Variants in DPYSL2 observed in about 807,000 individuals in gnomAD.
DPYSL2 encodes dihydropyrimidinase like 2.
A neutral mutation model predicts 69.9 loss-of-function variants in DPYSL2; 13 were observed. The ratio of observed to expected loss-of-function variants is 0.19; its 90% CI spans 0.12 to 0.30. The LOEUF (loss-of-function observed/expected upper bound fraction) is 0.30, where lower values mean the gene tolerates loss of function less well. DPYSL2 is among the 10% of genes least tolerant of loss of function. The pLI, the probability that DPYSL2 is intolerant of heterozygous loss-of-function variation, is 1.00. For synonymous variants in DPYSL2, 326 were observed against 359.1 expected (o/e 0.91, Z 1.04); for missense variants, 587 against 918.9 (o/e 0.64, Z 4.67).
intron 1 of DPYSL2, among the ~76,000 whole-genome samples, chr8:26,561,879 T>A (rs962695447): frequency 6.6e-6 from 1 of 152,172 alleles, no homozygotes; most frequent in Admixed American, 6.5e-5. Flanking sequence ...GCTCACCTCC[T>A]ACTGTGAGGC....
At position 26,627,102 on chromosome 8, in the gene DPYSL2, G is replaced by A. The variant is rs1266694066; in HGVS notation, c.856-113G>A. 10 of 954,016 alleles carry A rather than the reference G, an allele frequency of 1.0e-5. No homozygotes were observed. The highest frequency in any genetic ancestry group is 1.0e-4 in the East Asian group (4 of 40,178). The allele number at this position is 954,016 out of a possible 1,614,324, so 59.1% of individuals were successfully genotyped here. On this transcript the variant is annotated intron_variant, in intron 5 of 13. Transcript: ENST00000521913. The surrounding 1 kb of genome is among the most constrained non-coding windows in gnomAD (Gnocchi z 6.9). ...CAAAAAAAGTCAGGCTAATAGAATCGCCTAGGTGTCCTGTTTCTCATCCCA... is the reference window on the plus strand; with the variant it reads ...CAAAAAAAGTCAGGCTAATAGAATCACCTAGGTGTCCTGTTTCTCATCCCA...
chr8:26,627,084 A>T lies in DPYSL2; in HGVS notation c.856-131A>T, dbSNP rs1405187670. On this transcript the variant is annotated intron_variant, in intron 5 of 13. Coordinates refer to ENST00000521913, the MANE Select transcript of DPYSL2 (RefSeq NM_001197293.3). The surrounding 1 kb of genome is among the most constrained non-coding windows in gnomAD (Gnocchi z 6.9). The stretch of plus-strand genomic sequence containing the variant: ...ACATTGCCCTCATCATATCAAAAAA[A>T]GTCAGGCTAATAGAATCGCCTAGGT... 2.6e-6 allele frequency: 2 copies of T among 780,990 alleles called. No individual in the cohort carries two copies. The highest frequency in any genetic ancestry group is 3.5e-5 in the African/African-American group (2 of 57,524). 48.4% of individuals were successfully genotyped at this position (780,990 alleles called of 1,614,324 possible). A position where few individuals can be genotyped will look rare whatever the true frequency, so the allele number is the denominator to read the frequency against.
chr8:26,615,839 G>A (rs62491959), intron 3 of DPYSL2, among the ~76,000 whole-genome samples: 14,944 of 152,178 alleles, frequency 0.098, 955 homozygotes, highest in Middle Eastern at 0.16. Flanking sequence ...TTAGCATTGC[G>A]GGAGAAACAG....
chr8:26,655,534 C>A, intron 13 of DPYSL2, 81 bp from the exon 14 acceptor site: 1 of 1,261,716 alleles, frequency 7.9e-7, no homozygotes, highest in Admixed American at 2.2e-5. Context: ...TCCTCCTGAG[C>A]TGTGAGATTT....
At chr8:26,524,541 T>C (rs1808444007) in intron 1 of DPYSL2, among the ~76,000 whole-genome samples, 1 of 152,132 alleles carries the variant, frequency 6.6e-6, no homozygotes, top group African/African-American at 2.4e-5. Flanking sequence ...CTCATGCCTG[T>C]AATCTCAGCA....
In DPYSL2 at chr8:26,580,112, A is replaced by G. The variant is rs1392174709; in HGVS notation, c.355-1857A>G. 6.6e-6 allele frequency among the ~76,000 whole-genome samples: 1 copy of G among 151,912 alleles called. No individual in the cohort carries two copies. The highest frequency in any genetic ancestry group is 6.6e-5 in the Admixed American group (1 of 15,256). ...GTGGTGTTTCACTTTTTTTCATGGCATCATGTTGGCTCGGGATATTCGCGG... is the reference window on the plus strand; with the variant it reads ...GTGGTGTTTCACTTTTTTTCATGGCGTCATGTTGGCTCGGGATATTCGCGG... On this transcript the variant is annotated intron_variant, in intron 1 of 13. Coordinates refer to ENST00000521913, the MANE Select transcript of DPYSL2 (RefSeq NM_001197293.3). This position sits in a 1 kb window ranked among gnomAD's most constrained non-coding sequence, Gnocchi z 4.1.
chr8:26,628,516 A>G (rs1046157157), intron 7 of DPYSL2, among the ~76,000 whole-genome samples: 1 of 152,200 alleles, frequency 6.6e-6, no homozygotes, highest in Admixed American at 6.5e-5. Context: ...GGGAGGGTGC[A>G]CACGTCTTAG....
chr8:26,539,694 C>A (rs1800648246), intron 1 of DPYSL2, among the ~76,000 whole-genome samples: 1 of 152,172 alleles, frequency 6.6e-6, no homozygotes, highest in Non-Finnish European at 1.5e-5. Context: ...GATGCACCAC[C>A]ACGTCCGGCT....
At position 26,621,637 on chromosome 8, in the gene DPYSL2, G is replaced by A. The variant is rs965819021; in HGVS notation, c.629-2506G>A. Among the ~76,000 whole-genome samples, 1 of 152,170 alleles carries A rather than the reference G, an allele frequency of 6.6e-6. No homozygotes were observed. Among genetic ancestry groups the A allele is most frequent in the African/African-American group, 2.4e-5 (1 of 41,426 alleles). On this transcript the variant is annotated intron_variant, in intron 3 of 13. Coordinates refer to ENST00000521913, the MANE Select transcript of DPYSL2 (RefSeq NM_001197293.3). This position sits in a 1 kb window ranked among gnomAD's most constrained non-coding sequence, Gnocchi z 4.9. ...GGATTCAGAAACGATGCCACCCTGG[G>A]ATGGTGACATATAGCCCCAGTGAGA...
At chr8:26,530,171 A>T (rs905995937) in intron 1 of DPYSL2, among the ~76,000 whole-genome samples, 15 of 152,066 alleles carry the variant, frequency 9.9e-5, no homozygotes, top group Non-Finnish European at 1.9e-4. Flanking sequence ...AAAGAAAAAA[A>T]AACCAACAAC....
At position 26,588,069 on chromosome 8, in the gene DPYSL2, G is replaced by T. The variant is rs1227541410; in HGVS notation, c.628+4086G>T. 2.6e-5 allele frequency among the ~76,000 whole-genome samples: 4 copies of T among 152,152 alleles called. No homozygotes were observed. Among genetic ancestry groups the T allele is most frequent in the Non-Finnish European group, 5.9e-5 (4 of 68,024 alleles). ...AAATGGGGCAAGTTTTGACAAAGGT[G>T]GACTGTGGTGGCATCACAACAGCAT... On this transcript the variant is annotated intron_variant, in intron 3 of 13. Transcript: ENST00000521913. This position sits in a 1 kb window ranked among gnomAD's most constrained non-coding sequence, Gnocchi z 5.4.
intron 11 of DPYSL2, among the ~76,000 whole-genome samples, chr8:26,651,767 T>C (rs1183634342): frequency 2.0e-5 from 3 of 152,240 alleles, no homozygotes; most frequent in Non-Finnish European, 4.4e-5. Context: ...GTCTCTTCAG[T>C]GACCACAATC....
intron 7 of DPYSL2, among the ~76,000 whole-genome samples, chr8:26,628,590 T>C (rs17322366): frequency 0.16 from 23,791 of 152,176 alleles, 1,962 homozygotes; most frequent in Non-Finnish European, 0.18. Context: ...CAGAAGTTGG[T>C]TCCTTAATGA....
At chr8:26,556,365 G>GTATATATATATATAC (rs1386802424) in intron 1 of DPYSL2, among the ~76,000 whole-genome samples, 3 of 43,706 alleles carry the variant, frequency 6.9e-5, no homozygotes, top group Non-Finnish European at 9.4e-5. Flanking sequence ...TATATATATA[G>GTATATATATATATAC]TATATATATA....
chr8:26,591,358 C>A lies in DPYSL2; in HGVS notation c.628+7375C>A, dbSNP rs563417934. 1.3e-5 allele frequency among the ~76,000 whole-genome samples: 2 copies of A among 152,154 alleles called. No homozygotes were observed. Among genetic ancestry groups the A allele is most frequent in the Non-Finnish European group, 2.9e-5 (2 of 68,030 alleles). On this transcript the variant is annotated intron_variant, in intron 3 of 13. Coordinates refer to ENST00000521913, the MANE Select transcript of DPYSL2 (RefSeq NM_001197293.3). This position sits in a 1 kb window ranked among gnomAD's most constrained non-coding sequence, Gnocchi z 5.8. Reference sequence around the variant, plus strand: ...ATGTGAGGGTCAGGCATTCAGTGGTCGGGTCTCAGGGTTCCTTATTGCTAG... The same window carrying A: ...ATGTGAGGGTCAGGCATTCAGTGGTAGGGTCTCAGGGTTCCTTATTGCTAG...
intron 1 of DPYSL2, among the ~76,000 whole-genome samples, chr8:26,555,556 G>C (rs1800932048): frequency 6.6e-6 from 1 of 152,038 alleles, no homozygotes; most frequent in Non-Finnish European, 1.5e-5. Flanking sequence ...AGATCTGTAT[G>C]AGGAAATCTA....
At chr8:26,589,703 G>C (rs1259198126) in intron 3 of DPYSL2, among the ~76,000 whole-genome samples, 1 of 152,248 alleles carries the variant, frequency 6.6e-6, no homozygotes, top group African/African-American at 2.4e-5. Context: ...GAGAGCCCAG[G>C]CATGGCCTGT....
At chr8:26,574,173 G>A (rs1049457990) in intron 1 of DPYSL2, among the ~76,000 whole-genome samples, 2 of 152,166 alleles carry the variant, frequency 1.3e-5, no homozygotes, top group African/African-American at 4.8e-5. Context: ...AAACTTCATA[G>A]ACATGGTAAC....
chr8:26,554,177 C>T (rs1043185591), intron 1 of DPYSL2, among the ~76,000 whole-genome samples: 18 of 152,060 alleles, frequency 1.2e-4, no homozygotes, highest in South Asian at 4.1e-4. Flanking sequence ...CATGAGCTAC[C>T]GTGCCTGGCC....
Sources: allele counts gnomAD v4.1 joint callset (sites outside exome capture counted in the v4.1 genomes callset), GRCh38; gene constraint gnomAD v4.1.1; non-coding constraint Gnocchi (gnomAD v3.1); transcripts MANE v1.5; gene names NCBI Gene and HGNC (gene_info 2026-07-23, HGNC 2026-07-21).